Variants in FAM117A observed in about 807,000 individuals in gnomAD.
FAM117A encodes family with sequence similarity 117 member A.
FAM117A carries 21 observed loss-of-function variants against 44.1 expected under a neutral mutation model. The observed-to-expected ratio is 0.48, with a 90% CI of 0.34 to 0.69. FAM117A has a LOEUF of 0.69. FAM117A is among the 30% of genes least tolerant of loss of function. FAM117A has a pLI of 0.01. For missense variants in FAM117A, 498 were observed against 589.9 expected (o/e 0.84, Z 1.61); for synonymous variants, 220 against 238.3 (o/e 0.92, Z 0.71).
At chr17:49,774,313 T>C (rs2143799567) in intron 1 of FAM117A, among the ~76,000 whole-genome samples, 1 of 151,882 alleles carries the variant, frequency 6.6e-6, no homozygotes, top group Non-Finnish European at 1.5e-5. Flanking sequence ...ACCTGGCTAA[T>C]TTTTGTATTT....
intron 1 of FAM117A, among the ~76,000 whole-genome samples, chr17:49,783,588 G>A (rs59048444): frequency 0.023 from 3,565 of 152,182 alleles, 135 homozygotes; most frequent in African/African-American, 0.081. Context: ...AAATTAGGTG[G>A]CCAGAATGTA....
intron 1 of FAM117A, among the ~76,000 whole-genome samples, chr17:49,777,136 G>A (rs555406218): frequency 7.6e-4 from 116 of 152,258 alleles, no homozygotes; most frequent in African/African-American, 2.6e-3. Context: ...GGGCACCCCT[G>A]CCTGCCGCCC....
At chr17:49,726,373 T>G (rs1440947606) in intron 2 of FAM117A, among the ~76,000 whole-genome samples, 4 of 151,818 alleles carry the variant, frequency 2.6e-5, no homozygotes, top group Non-Finnish European at 5.9e-5. Flanking sequence ...CCACCACACC[T>G]GGCTAATTTT....
At position 49,771,014 on chromosome 17, in the gene FAM117A, C is replaced by T. The variant is rs1050242283; in HGVS notation, c.-621+17483G>A. Among the ~76,000 whole-genome samples, 90 of 152,126 alleles carry T rather than the reference C, an allele frequency of 5.9e-4. 4 individuals carry two copies. Among genetic ancestry groups the T allele is most frequent in the Non-Finnish European group, 4.4e-5 (3 of 68,024 alleles). On this transcript the variant is annotated intron_variant, in intron 1 of 7. Transcript: ENST00000513602. ...TTGAGGTCAGGAGTTCGAGACCAGC[C>T]TGGCCAACATGGAGACACCCCCATC... is the stretch of plus-strand genomic sequence containing the variant.
upstream of FAM117A, chr17:49,789,039 C>T: frequency 2.2e-6 from 1 of 449,258 alleles, no homozygotes; most frequent in South Asian, 6.1e-5. Context: ...CCTATGCTTG[C>T]AACTATTCCC....
At chr17:49,767,023 A>G (rs371979365), upstream of FAM117A, among the ~76,000 whole-genome samples, 3 of 152,330 alleles carry the variant, frequency 2.0e-5, no homozygotes, top group East Asian at 3.9e-4. Flanking sequence ...GTCTTTCCTG[A>G]TAAGTTGCTG....
chr17:49,722,421 G>A, intron 3 of FAM117A, 78 bp downstream of exon 3: 1 of 1,178,794 alleles, frequency 8.5e-7, no homozygotes, highest in Non-Finnish European at 1.2e-6. Context: ...ACGCCACCAT[G>A]GAGCAGATGC....
intron 1 of FAM117A, among the ~76,000 whole-genome samples, chr17:49,753,183 T>C (rs1247737908): frequency 6.6e-6 from 1 of 152,168 alleles, no homozygotes; most frequent in Non-Finnish European, 1.5e-5. Context: ...TTTGCTTAGC[T>C]TAACAAATGA....
intron 1 of FAM117A, among the ~76,000 whole-genome samples, chr17:49,749,421 C>CA (rs1158396634): frequency 6.6e-6 from 1 of 151,388 alleles, no homozygotes; most frequent in Non-Finnish European, 1.5e-5. Flanking sequence ...CTAAAATACA[C>CA]AAAAAATTAG....
chr17:49,755,182 C>T (rs1038587060), intron 1 of FAM117A, among the ~76,000 whole-genome samples: 1 of 152,158 alleles, frequency 6.6e-6, no homozygotes, highest in African/African-American at 2.4e-5. Flanking sequence ...CTCTTTCTTG[C>T]ACTTCCCTAT....
At chr17:49,760,089 C>T (rs2073716797) in intron 1 of FAM117A, among the ~76,000 whole-genome samples, 1 of 152,162 alleles carries the variant, frequency 6.6e-6, no homozygotes, top group South Asian at 2.1e-4. Flanking sequence ...TTCAAATTAG[C>T]TTATGTCTAC....
rs544099157 is a variant in FAM117A at position 49,714,827 on chromosome 17, G to T, written c.1061+1338C>A. 1.8e-4 allele frequency among the ~76,000 whole-genome samples: 28 copies of T among 151,704 alleles called. No individual in the cohort carries two copies. In the South Asian group the frequency reaches 5.0e-3, roughly 27 times the overall value. On this transcript the variant is annotated intron_variant, in intron 7 of 7. Transcript: ENST00000240364. ...ACACCTGTCTAATTTTGTATTTTTA[G>T]TAGAGACAGGGTCTTGCCATGTTGG...
upstream of FAM117A, among the ~76,000 whole-genome samples, chr17:49,765,374 A>C (rs1210008336): frequency 1.3e-5 from 2 of 152,204 alleles, no homozygotes; most frequent in African/African-American, 4.8e-5. Context: ...TGCCCAGTTT[A>C]ATGTTAAAAA....
Position 49,720,410 on chromosome 17 carries a change from C to T in FAM117A, c.489G>A (p.Gln163=). Residue 163 remains glutamine, a synonymous_variant, in exon 4 of 8, where the codon CAG becomes CAA. Transcript: ENST00000240364. ...KEISKLKQQL[Q]RTKLSRSGKE... is the part of the protein sequence containing the mutation. ...TCCCACTGCGGCTCAGCTTCGTCCT[C>T]TGCAGTTGTTGCTTCAACTTGGAAA... 2 of 1,613,620 alleles carry T rather than the reference C, an allele frequency of 1.2e-6. No homozygotes were observed. Among genetic ancestry groups the T allele is most frequent in the Non-Finnish European group, 1.7e-6 (2 of 1,180,034 alleles).
chr17:49,720,236 G>A (rs964017827), intron 4 of FAM117A, 90 bp downstream of exon 4: 97 of 1,018,294 alleles, frequency 9.5e-5, no homozygotes, highest in African/African-American at 1.6e-4. Context: ...TAGGGGGCTC[G>A]GCAGTTCCAA....
intron 1 of FAM117A, among the ~76,000 whole-genome samples, chr17:49,742,740 AACC>A (rs1333844835): frequency 6.6e-6 from 1 of 152,216 alleles, no homozygotes; most frequent in African/African-American, 2.4e-5. Flanking sequence ...GACAGGCATA[AACC>A]CTTTGAATCT....
intron 1 of FAM117A, among the ~76,000 whole-genome samples, chr17:49,752,666 C>T (rs1201819162): frequency 6.6e-6 from 1 of 152,092 alleles, no homozygotes; most frequent in Non-Finnish European, 1.5e-5. Flanking sequence ...CCCTGGTTAG[C>T]CACTCATTCT....
intron 1 of FAM117A, among the ~76,000 whole-genome samples, chr17:49,763,336 G>A (rs1433983402): frequency 2.0e-5 from 3 of 152,104 alleles, no homozygotes; most frequent in Non-Finnish European, 4.4e-5. Flanking sequence ...GTTCCAGGAG[G>A]TGGCATAAAG....
intron 1 of FAM117A, among the ~76,000 whole-genome samples, chr17:49,736,257 TTTC>T (rs1190109922): frequency 1.3e-5 from 2 of 151,472 alleles, no homozygotes; most frequent in Non-Finnish European, 3.0e-5. Context: ...AAAGGCTCTC[TTTC>T]TTTTTTTTTT....
Sources: gnomAD v4.1 joint callset for allele counts (sites outside exome capture counted in the v4.1 genomes callset) on GRCh38, gnomAD v4.1.1 for gene constraint, MANE v1.5 for transcripts, NCBI Gene and HGNC (gene_info 2026-07-23, HGNC 2026-07-21) for gene names.